Variants in CAGE1 observed in about 807,000 individuals in gnomAD.
The protein encoded by CAGE1 is cancer antigen 1, also known as cancer-associated gene 1 protein.
Under a neutral mutation model 94.9 loss-of-function variants are expected in CAGE1, and 66 were observed. That is an observed-to-expected ratio of 0.70 (90% CI 0.57 to 0.85). The LOEUF (loss-of-function observed/expected upper bound fraction) is 0.85. Ranked by LOEUF, CAGE1 falls within the 40% of genes least tolerant of loss-of-function variation. The pLI is 0.00. For synonymous variants in CAGE1, 319 were observed against 321.0 expected (o/e 0.99, Z 0.07); for missense variants, 865 against 950.4 (o/e 0.91, Z 1.18).
chr6:7,363,048 C>T lies in CAGE1; in HGVS notation c.2193+2420G>A, dbSNP rs34004228. On this transcript the variant is annotated intron_variant, in intron 9 of 13. Transcript: ENST00000502583. ...CAGAGACTTTGAGAGGCAGGTGGATCGCCTGAGCTCAGGAGTTCGTGACTA... is the reference window on the plus strand; with the variant it reads ...CAGAGACTTTGAGAGGCAGGTGGATTGCCTGAGCTCAGGAGTTCGTGACTA... Among the ~76,000 whole-genome samples, 1,452 of 152,214 alleles carry T rather than the reference C, an allele frequency of 9.5e-3. 15 individuals carry two copies. The highest frequency in any genetic ancestry group is 0.034 in the Middle Eastern group (10 of 294).
chr6:7,368,596 G>A lies in CAGE1; in HGVS notation c.2004+92C>T, dbSNP rs970261137. The A allele has an allele frequency of 7.9e-6, 5 of 632,768 alleles. No individual in the cohort carries two copies. The East Asian group carries it at 1.6e-4, about 20-fold the overall frequency. 39.2% of individuals were successfully genotyped at this position (632,768 alleles called of 1,614,324 possible). A position where few individuals can be genotyped will look rare whatever the true frequency, so the allele number is the denominator to read the frequency against. ...GGTCCCCCAAAATAATTTTTAAAAT[G>A]ATTCCAACTTTAAGAGTTACTTCTT... is the stretch of plus-strand genomic sequence containing the variant. On this transcript the variant is annotated intron_variant, in intron 7 of 13. Coordinates refer to ENST00000502583, the MANE Select transcript of CAGE1 (RefSeq NM_001170692.2).
At chr6:7,333,671 T>TAC (rs1288271388) in intron 12 of CAGE1, among the ~76,000 whole-genome samples, 40 of 91,584 alleles carry the variant, frequency 4.4e-4, no homozygotes, top group Non-Finnish European at 6.8e-4. Context: ...TATATATATA[T>TAC]ATACATTTTT....
intron 2 of CAGE1, 106 bp from the exon 3 acceptor site, chr6:7,385,978 A>G (rs1761108688): frequency 5.2e-6 from 3 of 576,860 alleles, no homozygotes; most frequent in Non-Finnish European, 8.6e-6. Context: ...ATTTCATTAC[A>G]TAGGTAGAAT....
chr6:7,341,725 G>T (rs144366546), intron 11 of CAGE1: 17 of 696,618 alleles, frequency 2.4e-5, no homozygotes, highest in Non-Finnish European at 3.8e-5. Flanking sequence ...GGGAGCAGGC[G>T]CCAGGAAGGC....
At chr6:7,345,185 G>A (rs1343691838) in intron 11 of CAGE1, among the ~76,000 whole-genome samples, 2 of 129,028 alleles carry the variant, frequency 1.6e-5, no homozygotes, top group Non-Finnish European at 3.2e-5. Flanking sequence ...CACTCCTTGT[G>A]AAGGTTTGTA....
intron 5 of CAGE1, among the ~76,000 whole-genome samples, chr6:7,370,651 A>T: frequency 6.6e-6 from 1 of 152,202 alleles, no homozygotes; most frequent in East Asian, 1.9e-4. Context: ...AAAATTTGTG[A>T]AAAGAATGGC....
chr6:7,356,231 A>C, intron 9 of CAGE1, 102 bp from the exon 10 acceptor site: 1 of 680,400 alleles, frequency 1.5e-6, no homozygotes, highest in Non-Finnish European at 2.6e-6. Context: ...CTTTATTCCA[A>C]TATTCTTCTA....
chr6:7,386,869 C>G, intron 2 of CAGE1, 110 bp downstream of exon 2: 1 of 761,152 alleles, frequency 1.3e-6, no homozygotes, highest in Non-Finnish European at 2.1e-6. Context: ...TTTATGTGTC[C>G]ACCGAATATT....
intron 11 of CAGE1, among the ~76,000 whole-genome samples, chr6:7,343,546 A>G (rs1308334408): frequency 1.3e-5 from 2 of 152,332 alleles, no homozygotes; most frequent in South Asian, 2.1e-4. Flanking sequence ...GTGGGTAGAA[A>G]TAACAGTTGC....
Position 7,389,652 on chromosome 6 carries a change from G to C in CAGE1, c.-474C>G, listed in dbSNP as rs1581706796. The C allele has an allele frequency of 2.5e-6, 1 of 396,590 alleles. No homozygotes were observed. The highest frequency in any genetic ancestry group is 5.3e-5 in the East Asian group (1 of 18,800). The allele number at this position is 396,590 out of a possible 1,614,324, so 24.6% of individuals were successfully genotyped here. Reference sequence around the variant, plus strand: ...CGAAAACTCCGGGAAGAAACGGCCAGCACGGGCCTCGCCGTGCCGGCTACT... The same window carrying C: ...CGAAAACTCCGGGAAGAAACGGCCACCACGGGCCTCGCCGTGCCGGCTACT... On this transcript the variant is annotated 5_prime_UTR_variant, in exon 1 of 14. Coordinates refer to ENST00000502583, the MANE Select transcript of CAGE1 (RefSeq NM_001170692.2).
chr6:7,356,621 A>G (rs139264788), intron 9 of CAGE1, among the ~76,000 whole-genome samples: 108 of 152,284 alleles, frequency 7.1e-4, no homozygotes, highest in Middle Eastern at 3.4e-3. Flanking sequence ...CTATGGTCCA[A>G]TTTTTATTTG....
At chr6:7,333,093 G>C (rs1196774061) in intron 12 of CAGE1, among the ~76,000 whole-genome samples, 1 of 152,088 alleles carries the variant, frequency 6.6e-6, no homozygotes, top group African/African-American at 2.4e-5. Context: ...TGGGATTACA[G>C]GTGCCCACCA....
At chr6:7,345,587 T>C (rs754964512) in intron 11 of CAGE1, among the ~76,000 whole-genome samples, 2 of 152,214 alleles carry the variant, frequency 1.3e-5, no homozygotes, top group African/African-American at 4.8e-5. Context: ...ATGTCACTAA[T>C]AGCTTTCATA....
intron 11 of CAGE1, among the ~76,000 whole-genome samples, chr6:7,348,786 AGAATT>A: frequency 6.6e-6 from 1 of 152,334 alleles, no homozygotes; most frequent in South Asian, 2.1e-4. Context: ...TCTCAGCAAT[AGAATT>A]GAACAAGTAG....
At position 7,339,008 on chromosome 6, in the gene CAGE1, C is replaced by G. The variant is rs1045697710; in HGVS notation, c.2370-4918G>C. On this transcript the variant is annotated intron_variant, in intron 11 of 13. Transcript: ENST00000502583. This position sits in a 1 kb window ranked among gnomAD's most constrained non-coding sequence, Gnocchi z 4.7. Reference sequence around the variant, plus strand: ...CAGTTGGGTCCCAGGGCAGCATGATCTTCACCTTGATGCCCAGCACACTCT... The same window carrying G: ...CAGTTGGGTCCCAGGGCAGCATGATGTTCACCTTGATGCCCAGCACACTCT... The G allele has an allele frequency of 6.2e-7, 1 of 1,606,866 alleles. No homozygotes were observed. The highest frequency in any genetic ancestry group is 8.5e-7 in the Non-Finnish European group (1 of 1,176,656).
chr6:7,377,262 T>C (rs1433561547), intron 4 of CAGE1, among the ~76,000 whole-genome samples: 1 of 152,098 alleles, frequency 6.6e-6, no homozygotes, highest in African/African-American at 2.4e-5. Context: ...CTAAATGCAA[T>C]GAAAAGAGGA....
intron 5 of CAGE1, among the ~76,000 whole-genome samples, chr6:7,372,351 A>T (rs756184189): frequency 1.3e-5 from 2 of 151,844 alleles, no homozygotes; most frequent in Non-Finnish European, 2.9e-5. Flanking sequence ...CACGCCTGTA[A>T]TCCCAGTTAC....
intron 1 of CAGE1, among the ~76,000 whole-genome samples, chr6:7,388,513 G>A (rs976221174): frequency 1.3e-5 from 2 of 152,114 alleles, no homozygotes; most frequent in African/African-American, 4.8e-5. Flanking sequence ...GTCTTGAGAG[G>A]AGCATACTTA....
chr6:7,374,350 C>G (rs1172903819), intron 4 of CAGE1, among the ~76,000 whole-genome samples: 1 of 152,202 alleles, frequency 6.6e-6, no homozygotes, highest in East Asian at 1.9e-4. Flanking sequence ...AACAGCACAG[C>G]AGGGCACAGG....
Sources: gnomAD v4.1 joint callset for allele counts (sites outside exome capture counted in the v4.1 genomes callset) on GRCh38, gnomAD v4.1.1 for gene constraint, Gnocchi (gnomAD v3.1) non-coding constraint, MANE v1.5 for transcripts, NCBI Gene and HGNC (gene_info 2026-07-23, HGNC 2026-07-21) for gene names.